Variants in MTUS2 observed in about 807,000 individuals in gnomAD.
The protein encoded by MTUS2 is microtubule associated scaffold protein 2, also known as microtubule-associated tumor suppressor candidate 2.
A neutral mutation model predicts 114.1 loss-of-function variants in MTUS2; 40 were observed. The observed-to-expected ratio is 0.35, with a 90% CI of 0.27 to 0.46. The LOEUF (loss-of-function observed/expected upper bound fraction) is 0.46. Among genes scored for constraint, MTUS2 ranks in the 20% least tolerant of loss-of-function variants. The pLI, the probability that MTUS2 is intolerant of heterozygous loss-of-function variation, is 1.00. For missense variants in MTUS2, 1,679 were observed against 1,705.4 expected (o/e 0.98, Z 0.27); for synonymous variants, 688 against 672.0 (o/e 1.02, Z -0.37).
intron 4 of MTUS2, among the ~76,000 whole-genome samples, chr13:29,042,114 G>A (rs929829272): frequency 9.2e-5 from 14 of 152,108 alleles, no homozygotes; most frequent in Non-Finnish European, 1.6e-4. Context: ...GTCATAGATG[G>A]CTTTTATTAC....
At chr13:29,088,834 C>T (rs953122814) in intron 4 of MTUS2, among the ~76,000 whole-genome samples, 2 of 152,070 alleles carry the variant, frequency 1.3e-5, no homozygotes, top group Non-Finnish European at 2.9e-5. Flanking sequence ...TTCTCCATCT[C>T]CTTACTTTAT....
At chr13:28,978,856 G>A (rs1280288593) in intron 2 of MTUS2, among the ~76,000 whole-genome samples, 1 of 152,206 alleles carries the variant, frequency 6.6e-6, no homozygotes, top group Non-Finnish European at 1.5e-5. Flanking sequence ...ATCAAAGGCT[G>A]TTAGGCTCTG....
At chr13:28,831,576 G>A (rs1046963844) in intron 1 of MTUS2, among the ~76,000 whole-genome samples, 5 of 152,114 alleles carry the variant, frequency 3.3e-5, no homozygotes, top group African/African-American at 1.2e-4. Flanking sequence ...TTGTTAAAGG[G>A]ATCAATTTCT....
intron 11 of MTUS2, among the ~76,000 whole-genome samples, chr13:29,491,808 T>G (rs1187140500): frequency 8.3e-6 from 1 of 120,926 alleles, no homozygotes; most frequent in Non-Finnish European, 1.9e-5. Context: ...GTATGTGATG[T>G]GTGTGGGGTA....
chr13:28,903,482 C>T (rs1879777657), intron 2 of MTUS2, among the ~76,000 whole-genome samples: 1 of 140,918 alleles, frequency 7.1e-6, no homozygotes, highest in Non-Finnish European at 1.5e-5. Context: ...TCTCATTGTT[C>T]AATTCCCACC....
chr13:28,863,788 C>T (rs77088781), intron 2 of MTUS2, among the ~76,000 whole-genome samples: 1 of 152,094 alleles, frequency 6.6e-6, no homozygotes, highest in Non-Finnish European at 1.5e-5. Flanking sequence ...GCTTCAAACC[C>T]CTGAGCCCAA....
intron 4 of MTUS2, among the ~76,000 whole-genome samples, chr13:29,064,607 A>G (rs1236114971): frequency 1.3e-5 from 2 of 152,028 alleles, no homozygotes; most frequent in African/African-American, 2.4e-5. Flanking sequence ...AATGCTATAT[A>G]TTGCTTTTGT....
intron 5 of MTUS2, among the ~76,000 whole-genome samples, chr13:29,236,883 G>A (rs897142072): frequency 6.6e-6 from 1 of 152,196 alleles, no homozygotes; most frequent in African/African-American, 2.4e-5. Flanking sequence ...CCCAATCTGA[G>A]TCCTGGAATG....
chr13:29,071,073 C>T (rs772247927), intron 4 of MTUS2, among the ~76,000 whole-genome samples: 4 of 150,918 alleles, frequency 2.7e-5, no homozygotes, highest in Non-Finnish European at 4.4e-5. Context: ...GGTGCTATCT[C>T]GGTTCACTGC....
At chr13:29,172,281 T>C (rs936579557) in intron 5 of MTUS2, among the ~76,000 whole-genome samples, 1 of 152,218 alleles carries the variant, frequency 6.6e-6, no homozygotes, top group East Asian at 1.9e-4. Flanking sequence ...CCAAGATAAC[T>C]TCCCCCTCAA....
At chr13:28,829,517 G>A (rs1216147977) in intron 1 of MTUS2, among the ~76,000 whole-genome samples, 2 of 139,988 alleles carry the variant, frequency 1.4e-5, no homozygotes, top group Admixed American at 7.2e-5. Flanking sequence ...GAATGACAGA[G>A]TAGGACTCCG....
chr13:29,448,377 G>C (rs1466130749), intron 9 of MTUS2, among the ~76,000 whole-genome samples: 1 of 152,224 alleles, frequency 6.6e-6, no homozygotes, highest in Non-Finnish European at 1.5e-5. Context: ...AATGTGGTGT[G>C]AAATTGGCTC....
rs536795946 is a variant in MTUS2, at chr13:29,009,272, A to G, written c.-242-15185A>G. ...ATCTATGGCACAGCCATATAATGGA[A>G]TACTACTCAGCAATAAAGAGGAACA... is the stretch of plus-strand genomic sequence containing the variant. On this transcript the variant is annotated intron_variant, in intron 2 of 15. Coordinates refer to ENST00000612955, the MANE Select transcript of MTUS2 (RefSeq NM_001033602.4). 5.9e-5 allele frequency among the ~76,000 whole-genome samples: 9 copies of G among 152,228 alleles called. No individual in the cohort carries two copies. The East Asian group carries it at 1.7e-3, about 29-fold the overall frequency.
At chr13:29,442,632 G>GTT (rs59017285) in intron 9 of MTUS2, among the ~76,000 whole-genome samples, 25 of 152,156 alleles carry the variant, frequency 1.6e-4, no homozygotes, top group Non-Finnish European at 3.7e-4. Flanking sequence ...CCCCAAACCA[G>GTT]CACAGGGAGG....
At chr13:28,881,445 C>G (rs980092447) in intron 2 of MTUS2, among the ~76,000 whole-genome samples, 1 of 152,052 alleles carries the variant, frequency 6.6e-6, no homozygotes, top group Non-Finnish European at 1.5e-5. Context: ...ACTATGAATG[C>G]AGGTATCTTT....
intron 4 of MTUS2, among the ~76,000 whole-genome samples, chr13:29,076,693 G>C (rs1248746818): frequency 6.6e-6 from 1 of 152,104 alleles, no homozygotes; most frequent in Non-Finnish European, 1.5e-5. Flanking sequence ...AAGAGCCCAG[G>C]GAAGAATCTG....
At chr13:28,974,163 C>T (rs565018760) in intron 2 of MTUS2, among the ~76,000 whole-genome samples, 87 of 152,208 alleles carry the variant, frequency 5.7e-4, no homozygotes, top group African/African-American at 1.9e-3. Context: ...GGTAAGTTTC[C>T]GTGGTGGGCT....
intron 5 of MTUS2, among the ~76,000 whole-genome samples, chr13:29,176,644 G>C (rs917111252): frequency 6.6e-6 from 1 of 152,140 alleles, no homozygotes; most frequent in Non-Finnish European, 1.5e-5. Flanking sequence ...AGCTCCCCCA[G>C]GCCTCTTTTA....
At chr13:29,323,778 G>C (rs901963765) in intron 6 of MTUS2, among the ~76,000 whole-genome samples, 1 of 152,078 alleles carries the variant, frequency 6.6e-6, no homozygotes, top group Admixed American at 6.5e-5. Context: ...TCAGGGTTTG[G>C]GGGTGAGCAT....
Sources: allele counts gnomAD v4.1 joint callset (sites outside exome capture counted in the v4.1 genomes callset), GRCh38; gene constraint gnomAD v4.1.1; transcripts MANE v1.5; gene names NCBI Gene and HGNC (gene_info 2026-07-23, HGNC 2026-07-21).